UNC13C: variants seen among roughly 807,000 people sequenced by gnomAD.
UNC13C encodes protein unc-13 homolog C.
Under a neutral mutation model 245.4 loss-of-function variants are expected in UNC13C, and 174 were observed. The observed-to-expected ratio is 0.71, with a 90% CI of 0.63 to 0.80. The LOEUF is 0.80. Among genes scored for constraint, UNC13C ranks in the 30% least tolerant of loss-of-function variants. The pLI, the probability that UNC13C is intolerant of heterozygous loss-of-function variation, is 0.00. For synonymous variants in UNC13C, 992 were observed against 895.1 expected, an observed-to-expected ratio of 1.11 and a Z score of -1.93; for missense variants, 2,829 against 2,602.9, an observed-to-expected ratio of 1.09 and a Z score of -1.89.
At chr15:53,953,041 T>C in the UNC13C span, among the ~76,000 whole-genome samples, 2 of 152,186 alleles carry the variant, frequency 1.3e-5, no homozygotes, top group Admixed American at 1.3e-4. Flanking sequence ...GAAATAGATA[T>C]GAATAAGTTG....
At chr15:54,469,842 G>A (rs1341061403) in intron 19 of UNC13C, among the ~76,000 whole-genome samples, 1 of 151,536 alleles carries the variant, frequency 6.6e-6, no homozygotes, top group African/African-American at 2.4e-5. Context: ...CCTGAGATCA[G>A]AGGAGAAGTC....
intron 1 of UNC13C, among the ~76,000 whole-genome samples, chr15:53,988,368 A>T (rs1426278836): frequency 1.3e-5 from 2 of 151,954 alleles, no homozygotes. Context: ...GTCAGGGAGA[A>T]TATTCCAGAC....
the UNC13C span, among the ~76,000 whole-genome samples, chr15:53,876,519 G>GACA: frequency 1.2e-3 from 190 of 152,244 alleles, no homozygotes; most frequent in Admixed American, 4.0e-3. Flanking sequence ...ACGTGGATCA[G>GACA]TTTCTTCCCT....
chr15:54,356,592 T>C (rs1413113664), intron 17 of UNC13C, among the ~76,000 whole-genome samples: 1 of 152,166 alleles, frequency 6.6e-6, no homozygotes, highest in Non-Finnish European at 1.5e-5. Context: ...CCTCACCTAA[T>C]GGAAGGGGCA....
intron 1 of UNC13C, among the ~76,000 whole-genome samples, chr15:54,005,500 T>C (rs566436766): frequency 1.3e-5 from 2 of 152,296 alleles, no homozygotes; most frequent in African/African-American, 4.8e-5. Flanking sequence ...AAGTTTACTA[T>C]CAAACATTAA....
intron 30 of UNC13C, among the ~76,000 whole-genome samples, chr15:54,585,753 G>A (rs140616468): frequency 0.042 from 6,442 of 152,172 alleles, 248 homozygotes; most frequent in Admixed American, 0.12. Flanking sequence ...CTAAGAAATT[G>A]CAAAGACAGA....
chr15:54,337,205 A>G (rs1168136055), intron 16 of UNC13C, among the ~76,000 whole-genome samples: 1 of 152,116 alleles, frequency 6.6e-6, no homozygotes, highest in Admixed American at 6.5e-5. Flanking sequence ...GTCTGTTGTC[A>G]CAGATTTAGA....
the UNC13C span, among the ~76,000 whole-genome samples, chr15:53,878,311 C>T: frequency 1.3e-5 from 2 of 152,172 alleles, no homozygotes; most frequent in Non-Finnish European, 2.9e-5. Context: ...AAGAATTTTT[C>T]ATACTCATAC....
At chr15:54,001,019 G>A (rs796689729) in intron 1 of UNC13C, among the ~76,000 whole-genome samples, 6 of 152,212 alleles carry the variant, frequency 3.9e-5, no homozygotes, top group African/African-American at 1.4e-4. Context: ...TACATCTTAG[G>A]AGGGTAATAG....
intron 17 of UNC13C, among the ~76,000 whole-genome samples, chr15:54,348,887 A>G (rs1337064877): frequency 1.2e-4 from 18 of 151,966 alleles, no homozygotes. Flanking sequence ...TGGCTATAAT[A>G]TGTCCCTGAC....
intron 3 of UNC13C, 52 bp from the exon 4 acceptor site, chr15:54,143,568 G>A: frequency 6.7e-7 from 1 of 1,484,220 alleles, no homozygotes; most frequent in Non-Finnish European, 9.4e-7. Context: ...ACATAAAACT[G>A]TAGTATGCTA....
At chr15:54,067,653 C>T (rs1898135224) in intron 2 of UNC13C, among the ~76,000 whole-genome samples, 1 of 152,150 alleles carries the variant, frequency 6.6e-6, no homozygotes, top group African/African-American at 2.4e-5. Context: ...TTGTACAAAG[C>T]TGTAGGTCCA....
intron 2 of UNC13C, among the ~76,000 whole-genome samples, chr15:54,066,466 T>C (rs902294600): frequency 6.6e-6 from 1 of 152,200 alleles, no homozygotes; most frequent in African/African-American, 2.4e-5. Flanking sequence ...TGGAAATCCA[T>C]GGTCAAATTC....
intron 17 of UNC13C, among the ~76,000 whole-genome samples, chr15:54,374,621 G>GCCTGCAGAGGAAGGGAGGCATTTCTGAA (rs2039564868): frequency 6.6e-6 from 1 of 152,260 alleles, no homozygotes; most frequent in Non-Finnish European, 1.5e-5. Context: ...GCATTTCTGA[G>GCCTGCAGAGGAAGGGAGGCATTTCTGAA]CCTGCAGAGG....
At chr15:54,241,822 C>T (rs2035859303) in intron 7 of UNC13C, among the ~76,000 whole-genome samples, 1 of 152,120 alleles carries the variant, frequency 6.6e-6, no homozygotes, top group Non-Finnish European at 1.5e-5. Context: ...GCCTCCCTGC[C>T]CTCTTTGCAC....
chr15:53,864,594 C>T, the UNC13C span, among the ~76,000 whole-genome samples: 1 of 152,188 alleles, frequency 6.6e-6, no homozygotes, highest in Non-Finnish European at 1.5e-5. Context: ...ATTCTCTCTA[C>T]CTAGGCTATA....
intron 18 of UNC13C, among the ~76,000 whole-genome samples, chr15:54,393,416 T>G (rs2040005358): frequency 6.6e-6 from 1 of 151,880 alleles, no homozygotes; most frequent in Non-Finnish European, 1.5e-5. Flanking sequence ...TTCCAAGATT[T>G]GATGTTTATG....
intron 2 of UNC13C, among the ~76,000 whole-genome samples, chr15:54,046,847 A>G (rs1304421989): frequency 6.6e-6 from 1 of 151,972 alleles, no homozygotes; most frequent in Non-Finnish European, 1.5e-5. Flanking sequence ...AGAGCAGAAT[A>G]TTCCAACATT....
chr15:54,139,515 T>A (rs1366293909), intron 2 of UNC13C, among the ~76,000 whole-genome samples: 4 of 152,218 alleles, frequency 2.6e-5, no homozygotes, highest in African/African-American at 9.6e-5. Context: ...TTGATAGACA[T>A]GTTTTGAAAG....
Sources: gnomAD v4.1 joint callset for allele counts (sites outside exome capture counted in the v4.1 genomes callset) on GRCh38, gnomAD v4.1.1 for gene constraint, MANE v1.5 for transcripts, NCBI Gene and HGNC (gene_info 2026-07-23, HGNC 2026-07-21) for gene names.